The following ACYP2 variants were observed in gnomAD, a reference collection of about 807,000 sequenced individuals.
The protein encoded by ACYP2 is acylphosphatase 2.
A neutral mutation model predicts 11.2 loss-of-function variants in ACYP2; 12 were observed. The ratio of observed to expected loss-of-function variants is 1.08; its 90% CI spans 0.69 to 1.74. The LOEUF (loss-of-function observed/expected upper bound fraction) is 1.74. Among genes scored for constraint, ACYP2 ranks in the 40% most tolerant of loss-of-function variants. ACYP2 has a pLI of 0.00. For synonymous variants in ACYP2, 43 were observed against 32.2 expected, an observed-to-expected ratio of 1.33 and a Z score of -1.13; for missense variants, 134 against 101.9, an observed-to-expected ratio of 1.31 and a Z score of -1.35.
rs531627984 is a variant in ACYP2, at chr2:54,147,089, C to G, written c.404+8341C>G. On this transcript the variant is annotated intron_variant, in intron 6 of 6. Transcript: ENST00000607452. ...GGGATTATAGGTGTGAGCCACCGTG[C>G]CTGGCTGCTTTTTGCATTGTTTCTA... Among the ~76,000 whole-genome samples the G allele has an allele frequency of 3.3e-5, 5 of 152,232 alleles. No individual in the cohort carries two copies. The South Asian group carries it at 1.0e-3, about 32-fold the overall frequency.
At chr2:54,050,884 C>A in intron 2 of ACYP2, 1 of 386,940 alleles carries the variant, frequency 2.6e-6, no homozygotes, top group Non-Finnish European at 4.6e-6. Flanking sequence ...AAGCAATCCT[C>A]CTGCCTCAGC....
At chr2:54,081,278 C>T (rs1410584718) in intron 4 of ACYP2, among the ~76,000 whole-genome samples, 2 of 152,220 alleles carry the variant, frequency 1.3e-5, no homozygotes, top group African/African-American at 4.8e-5. Flanking sequence ...ATAAAAAGCA[C>T]GGTGTATTTG....
At chr2:54,051,625 G>A (rs1675871805) in intron 3 of ACYP2, 1 of 742,474 alleles carries the variant, frequency 1.3e-6, no homozygotes, top group East Asian at 2.5e-5. Context: ...CAGGTGACAA[G>A]CAGCCTTATG....
chr2:54,088,440 C>T (rs568982848), intron 4 of ACYP2, among the ~76,000 whole-genome samples: 58 of 152,298 alleles, frequency 3.8e-4, no homozygotes, highest in African/African-American at 1.4e-3. Context: ...CGTTATTCAC[C>T]AGAGAGTCAA....
At chr2:54,285,314 T>G (rs944305023) in intron 6 of ACYP2, among the ~76,000 whole-genome samples, 2 of 152,248 alleles carry the variant, frequency 1.3e-5, no homozygotes, top group East Asian at 3.8e-4. Flanking sequence ...CACGGTCTCC[T>G]GGCTTTCCTT....
chr2:54,262,963 T>G (rs533065000), intron 6 of ACYP2, among the ~76,000 whole-genome samples: 16 of 152,294 alleles, frequency 1.1e-4, no homozygotes, highest in African/African-American at 3.8e-4. Context: ...CTCATGCCTG[T>G]GATGCCAGCA....
chr2:54,240,538 T>G (rs1184866140), intron 6 of ACYP2, among the ~76,000 whole-genome samples: 3 of 152,214 alleles, frequency 2.0e-5, no homozygotes, highest in Non-Finnish European at 4.4e-5. Flanking sequence ...CCCCTAAAGA[T>G]ATCAATAATT....
intron 2 of ACYP2, among the ~76,000 whole-genome samples, chr2:53,978,963 A>C (rs1671621932): frequency 6.6e-6 from 1 of 151,324 alleles, no homozygotes; most frequent in South Asian, 2.1e-4. Flanking sequence ...CTCATACAGC[A>C]CGTGATACCT....
chr2:54,256,701 G>T (rs1047344541), intron 6 of ACYP2, among the ~76,000 whole-genome samples: 1 of 152,234 alleles, frequency 6.6e-6, no homozygotes, highest in Non-Finnish European at 1.5e-5. Flanking sequence ...GAGTACAATG[G>T]CATGATCTCA....
chr2:54,041,951 C>G (rs1675253602), intron 2 of ACYP2, among the ~76,000 whole-genome samples: 1 of 152,032 alleles, frequency 6.6e-6, no homozygotes. Flanking sequence ...ACACCTCACA[C>G]AGTTCTGGAA....
chr2:54,201,572 G>T (rs1326591719), intron 6 of ACYP2, among the ~76,000 whole-genome samples: 1 of 146,534 alleles, frequency 6.8e-6, no homozygotes, highest in African/African-American at 2.5e-5. Context: ...TTGGATGATA[G>T]CCAGCTTCTT....
chr2:54,061,851 A>G (rs1241120404), intron 4 of ACYP2, among the ~76,000 whole-genome samples: 3 of 152,014 alleles, frequency 2.0e-5, no homozygotes, highest in African/African-American at 7.2e-5. Flanking sequence ...AGGTGGGAGG[A>G]TTGCTTGAGC....
At chr2:54,286,307 G>A (rs946946798) in intron 6 of ACYP2, among the ~76,000 whole-genome samples, 6 of 152,048 alleles carry the variant, frequency 3.9e-5, no homozygotes, top group Non-Finnish European at 7.3e-5. Flanking sequence ...AACATTGTGA[G>A]AGAATATCAA....
At chr2:54,286,687 G>A (rs980662996) in intron 6 of ACYP2, among the ~76,000 whole-genome samples, 11 of 151,930 alleles carry the variant, frequency 7.2e-5, no homozygotes, top group African/African-American at 2.7e-4. Flanking sequence ...ATTTTCTCAG[G>A]TTTTAAATGA....
chr2:54,107,249 T>C (rs1033893710), intron 4 of ACYP2, among the ~76,000 whole-genome samples: 15 of 152,208 alleles, frequency 9.9e-5, no homozygotes, highest in African/African-American at 3.6e-4. Flanking sequence ...ACCAAGTAGA[T>C]AGTAAAAATA....
chr2:53,985,020 A>G lies in ACYP2; in HGVS notation c.62+11210A>G, dbSNP rs193239309. Among the ~76,000 whole-genome samples the G allele has an allele frequency of 1.2e-4, 18 of 152,188 alleles. No homozygotes were observed. The East Asian group carries it at 2.9e-3, about 24-fold the overall frequency. On this transcript the variant is annotated intron_variant, in intron 2 of 6. Coordinates refer to ENST00000607452, the MANE Select transcript of ACYP2 (RefSeq NM_001320586.2). ...AGATTGGTCCAGGTTACACAGCATT[A>G]ATAAACAATCCCAAAATCTCAGTGG...
intron 6 of ACYP2, among the ~76,000 whole-genome samples, chr2:54,196,822 G>T (rs1435351533): frequency 6.6e-6 from 1 of 152,220 alleles, no homozygotes; most frequent in Admixed American, 6.5e-5. Context: ...CCACATTTAT[G>T]TGAATTGCCT....
chr2:54,056,793 A>G (rs1251204033), intron 3 of ACYP2, among the ~76,000 whole-genome samples: 10 of 152,150 alleles, frequency 6.6e-5, no homozygotes, highest in Non-Finnish European at 1.5e-5. Context: ...TTTCTACTAT[A>G]TTACCTGTTG....
At chr2:54,079,609 G>A (rs542487267) in intron 4 of ACYP2, among the ~76,000 whole-genome samples, 2 of 152,224 alleles carry the variant, frequency 1.3e-5, no homozygotes, top group South Asian at 4.2e-4. Flanking sequence ...CAGAGCAGAG[G>A]GATGGAAATA....
Sources: gnomAD v4.1 joint callset for allele counts (sites outside exome capture counted in the v4.1 genomes callset) on GRCh38, gnomAD v4.1.1 for gene constraint, MANE v1.5 for transcripts, NCBI Gene and HGNC (gene_info 2026-07-23, HGNC 2026-07-21) for gene names.